The following UTRN variants were observed in gnomAD, a reference collection of about 807,000 sequenced individuals.
UTRN encodes the protein utrophin.
A neutral mutation model predicts 463.9 loss-of-function variants in UTRN; 283 were observed. The observed-to-expected ratio is 0.61, with a 90% CI of 0.55 to 0.67. The LOEUF (loss-of-function observed/expected upper bound fraction) is 0.67, where lower values mean the gene tolerates loss of function less well. Among genes scored for constraint, UTRN ranks in the 30% least tolerant of loss-of-function variants. The probability of loss-of-function intolerance (pLI) is 0.00; values close to 1 mark genes in which losing one functional copy is unlikely to be tolerated. For missense variants in UTRN, 3,922 were observed against 4,084.3 expected, an observed-to-expected ratio of 0.96 and a Z score of 1.08; for synonymous variants, 1,442 against 1,431.5, an observed-to-expected ratio of 1.01 and a Z score of -0.17.
At chr6:144,737,618 A>G (rs922084775) in intron 54 of UTRN, among the ~76,000 whole-genome samples, 7 of 152,160 alleles carry the variant, frequency 4.6e-5, no homozygotes, top group African/African-American at 7.2e-5. Context: ...TCTTTGGAAA[A>G]CTCAACTACT....
intron 26 of UTRN, 22 bp from the exon 27 acceptor site, chr6:144,482,187 C>T: frequency 7.1e-7 from 1 of 1,417,312 alleles, no homozygotes; most frequent in Non-Finnish European, 9.3e-7. Flanking sequence ...TTTTCAAGTT[C>T]ATCCATCCTT....
At chr6:144,386,217 T>C (rs1781404884) in intron 2 of UTRN, among the ~76,000 whole-genome samples, 1 of 152,176 alleles carries the variant, frequency 6.6e-6, no homozygotes, top group Non-Finnish European at 1.5e-5. Context: ...ATCCCAGCAC[T>C]TTGTGTGGTG....
chr6:144,411,032 A>T (rs2114817808), intron 3 of UTRN, among the ~76,000 whole-genome samples: 1 of 152,220 alleles, frequency 6.6e-6, no homozygotes, highest in African/African-American at 2.4e-5. Context: ...TATAAACATG[A>T]GTGTGCAAGC....
intron 2 of UTRN, among the ~76,000 whole-genome samples, chr6:144,318,381 A>G (rs1775415512): frequency 6.6e-6 from 1 of 151,820 alleles, no homozygotes; most frequent in African/African-American, 2.4e-5. Context: ...TGCAACCTCT[A>G]CCTCCTGGGC....
At chr6:144,313,007 G>C (rs1775035658) in intron 2 of UTRN, among the ~76,000 whole-genome samples, 1 of 152,136 alleles carries the variant, frequency 6.6e-6, no homozygotes, top group African/African-American at 2.4e-5. Flanking sequence ...GTTCAGAGTT[G>C]GTGGGTGATG....
intron 2 of UTRN, among the ~76,000 whole-genome samples, chr6:144,305,663 T>C (rs1805668154): frequency 6.6e-6 from 1 of 152,222 alleles, no homozygotes; most frequent in South Asian, 2.1e-4. Context: ...ATTGGATCCA[T>C]AGGGAATGCT....
intron 54 of UTRN, among the ~76,000 whole-genome samples, chr6:144,732,233 T>C (rs1159622204): frequency 6.7e-5 from 2 of 29,924 alleles, no homozygotes; most frequent in East Asian, 7.7e-4. Flanking sequence ...TATATATATA[T>C]ATATACATAT....
intron 65 of UTRN, among the ~76,000 whole-genome samples, chr6:144,811,505 G>A (rs1778609935): frequency 6.6e-6 from 1 of 152,124 alleles, no homozygotes; most frequent in African/African-American, 2.4e-5. Flanking sequence ...CTTTTAAGGT[G>A]AGGTTTGGGC....
At chr6:144,488,377 TATA>T (rs1350868677) in intron 29 of UTRN, among the ~76,000 whole-genome samples, 2 of 152,212 alleles carry the variant, frequency 1.3e-5, no homozygotes, top group Non-Finnish European at 1.5e-5. Flanking sequence ...GCTTTAAAAT[TATA>T]ATAAATAACA....
intron 58 of UTRN, chr6:144,758,215 A>C (rs1272689129): frequency 5.9e-6 from 2 of 337,672 alleles, no homozygotes; most frequent in Non-Finnish European, 1.1e-5. Flanking sequence ...ATTTTAAAGT[A>C]GAGATTTAAA....
At chr6:144,424,625 T>C (rs1435144363) in intron 6 of UTRN, among the ~76,000 whole-genome samples, 1 of 152,126 alleles carries the variant, frequency 6.6e-6, no homozygotes, top group African/African-American at 2.4e-5. Context: ...TTTCCTGGCA[T>C]AGGGAAAAAA....
chr6:144,472,453 T>C (rs1246471934), intron 23 of UTRN, among the ~76,000 whole-genome samples: 8 of 152,162 alleles, frequency 5.3e-5, no homozygotes, highest in Admixed American at 5.2e-4. Flanking sequence ...TTCACCAAAG[T>C]ATTTGAGATA....
intron 58 of UTRN, among the ~76,000 whole-genome samples, chr6:144,770,018 A>G (rs1189393446): frequency 1.3e-5 from 2 of 152,198 alleles, no homozygotes; most frequent in South Asian, 2.1e-4. Context: ...AGCAATTTGT[A>G]GTATCACTAC....
chr6:144,444,218 C>T, intron 13 of UTRN, 63 bp from the exon 14 acceptor site: 1 of 1,281,856 alleles, frequency 7.8e-7, no homozygotes, highest in Non-Finnish European at 1.1e-6. Context: ...TGAATTTCTT[C>T]AAGGATTGTG....
intron 58 of UTRN, among the ~76,000 whole-genome samples, chr6:144,764,987 C>T (rs1793126259): frequency 6.6e-6 from 1 of 151,692 alleles, no homozygotes; most frequent in Non-Finnish European, 1.5e-5. Flanking sequence ...AAATGACCTA[C>T]AGGAATTTGG....
chr6:144,596,505 C>T (rs564686542), intron 51 of UTRN, among the ~76,000 whole-genome samples: 13 of 152,126 alleles, frequency 8.5e-5, no homozygotes, highest in Admixed American at 5.9e-4. Context: ...GACCAAACTG[C>T]GATGATATGG....
intron 2 of UTRN, among the ~76,000 whole-genome samples, chr6:144,360,991 A>G (rs115193736): frequency 0.011 from 1,650 of 152,322 alleles, 25 homozygotes; most frequent in African/African-American, 0.037. Flanking sequence ...TTGATTGATG[A>G]AAGAAGAGGA....
At chr6:144,650,230 A>T (rs889681631) in intron 51 of UTRN, among the ~76,000 whole-genome samples, 1 of 152,212 alleles carries the variant, frequency 6.6e-6, no homozygotes, top group Non-Finnish European at 1.5e-5. Flanking sequence ...ATTACCTCCC[A>T]CCAAGTCCCT....
intron 52 of UTRN, among the ~76,000 whole-genome samples, chr6:144,684,191 A>G (rs1782506391): frequency 6.6e-6 from 1 of 151,982 alleles, no homozygotes; most frequent in Admixed American, 6.6e-5. Context: ...CTGGGATTAC[A>G]GGTGGCTGCC....
Sources: gnomAD v4.1 joint callset for allele counts (sites outside exome capture counted in the v4.1 genomes callset) on GRCh38, gnomAD v4.1.1 for gene constraint, MANE v1.5 for transcripts, NCBI Gene and HGNC (gene_info 2026-07-23, HGNC 2026-07-21) for gene names.